Variants in MIPOL1 observed in about 807,000 individuals in gnomAD.
The protein encoded by MIPOL1 is mirror-image polydactyly 1.
A neutral mutation model predicts 60.9 loss-of-function variants in MIPOL1; 57 were observed. The observed-to-expected ratio is 0.94, with a 90% CI of 0.76 to 1.17. The LOEUF (loss-of-function observed/expected upper bound fraction) is 1.17. Among genes scored for constraint, MIPOL1 ranks in the 50% most tolerant of loss-of-function variants. The probability of loss-of-function intolerance (pLI) is 0.00; values close to 1 mark genes in which losing one functional copy is unlikely to be tolerated. For missense variants in MIPOL1, 551 were observed against 511.6 expected, an observed-to-expected ratio of 1.08 and a Z score of -0.74; for synonymous variants, 179 against 168.8, an observed-to-expected ratio of 1.06 and a Z score of -0.47.
chr14:37,278,501 C>A (rs2083845517), intron 6 of MIPOL1: 1 of 151,604 alleles, frequency 6.6e-6, no homozygotes, highest in Admixed American at 6.6e-5. Flanking sequence ...AAAGTCTGGT[C>A]TTTTACAAAA....
intron 4 of MIPOL1, 34 bp from the exon 5 acceptor site, chr14:37,268,624 T>C: frequency 6.6e-7 from 1 of 1,521,964 alleles, no homozygotes; most frequent in South Asian, 1.3e-5. Flanking sequence ...TAGTTTATCT[T>C]ACTCTGAAAT....
chr14:37,530,821 A>AT (rs753614964), intron 12 of MIPOL1, among the ~76,000 whole-genome samples: 7,237 of 145,196 alleles, frequency 0.05, 207 homozygotes, highest in Non-Finnish European at 0.073. Context: ...TGTAGAAAGG[A>AT]TTTTTTTTTT....
chr14:37,220,281 C>T (rs896307554), intron 1 of MIPOL1, among the ~76,000 whole-genome samples: 1 of 151,838 alleles, frequency 6.6e-6, no homozygotes. Context: ...TGTTTTGCAT[C>T]GTCTCAAACA....
At chr14:37,274,795 C>T (rs575298540) in intron 6 of MIPOL1, among the ~76,000 whole-genome samples, 1 of 151,272 alleles carries the variant, frequency 6.6e-6, no homozygotes, top group African/African-American at 2.4e-5. Flanking sequence ...ATAGAAGGCA[C>T]TCAATAAATA....
intron 10 of MIPOL1, among the ~76,000 whole-genome samples, chr14:37,402,192 A>G (rs1017646866): frequency 3.3e-5 from 5 of 152,154 alleles, no homozygotes; most frequent in African/African-American, 1.2e-4. Flanking sequence ...ATGTACTTTC[A>G]GAACAGTTAT....
At chr14:37,208,211 A>C (rs185099176) in intron 1 of MIPOL1, among the ~76,000 whole-genome samples, 1 of 152,172 alleles carries the variant, frequency 6.6e-6, no homozygotes, top group Non-Finnish European at 1.5e-5. Context: ...TATAAATAGT[A>C]CTTGGAGAAT....
At chr14:37,265,335 CA>C (rs1463452676) in intron 3 of MIPOL1, 2 of 152,102 alleles carry the variant, frequency 1.3e-5, no homozygotes, top group Admixed American at 6.6e-5. Flanking sequence ...ATAGCCCAAG[CA>C]TAGTCCTTAT....
chr14:37,350,017 G>A (rs1164614987), intron 9 of MIPOL1, among the ~76,000 whole-genome samples: 1 of 151,954 alleles, frequency 6.6e-6, no homozygotes, highest in Non-Finnish European at 1.5e-5. Flanking sequence ...ATTTACATTT[G>A]GTAAACATTG....
At chr14:37,215,061 C>G (rs933369699) in intron 1 of MIPOL1, among the ~76,000 whole-genome samples, 1 of 152,156 alleles carries the variant, frequency 6.6e-6, no homozygotes, top group African/African-American at 2.4e-5. Flanking sequence ...GCTCTGCCTT[C>G]TAGATAGCAG....
At position 37,300,542 on chromosome 14, in the gene MIPOL1, A is replaced by G. The variant is rs1293773455; in HGVS notation, c.624-7514A>G. On this transcript the variant is annotated intron_variant, in intron 7 of 12. Transcript: ENST00000684589. ...TTGTTTTGAGACGGGGTCTTGCTCTATTGTCCTGGCTGGAGTGCAGTGGTA... is the reference window on the plus strand; with the variant it reads ...TTGTTTTGAGACGGGGTCTTGCTCTGTTGTCCTGGCTGGAGTGCAGTGGTA... Among the ~76,000 whole-genome samples the G allele has an allele frequency of 2.6e-4, 4 of 15,584 alleles. 1 individual carries two copies. The highest frequency in any genetic ancestry group is 3.2e-4 in the African/African-American group (4 of 12,352). 10.2% of individuals were successfully genotyped at this position (15,584 alleles called of 152,430 possible).
At chr14:37,285,195 T>TA in intron 6 of MIPOL1, 123 bp from the exon 7 acceptor site, 2 of 937,422 alleles carry the variant, frequency 2.1e-6, no homozygotes, top group Non-Finnish European at 3.2e-6. Context: ...GATTGATTGA[T>TA]ATTAATTCAG....
chr14:37,368,644 A>G (rs1005140628), intron 9 of MIPOL1, among the ~76,000 whole-genome samples: 1 of 151,974 alleles, frequency 6.6e-6, no homozygotes, highest in Non-Finnish European at 1.5e-5. Context: ...GTTTTCCTCA[A>G]TGGTGTGTTT....
At chr14:37,416,035 A>T (rs2093763307) in intron 10 of MIPOL1, among the ~76,000 whole-genome samples, 1 of 152,136 alleles carries the variant, frequency 6.6e-6, no homozygotes, top group Admixed American at 6.5e-5. Flanking sequence ...AAACAATAGA[A>T]ATAGCATTTA....
At chr14:37,206,463 T>C (rs1434285778) in intron 1 of MIPOL1, among the ~76,000 whole-genome samples, 1 of 152,198 alleles carries the variant, frequency 6.6e-6, no homozygotes, top group Non-Finnish European at 1.5e-5. Context: ...GGGGCCCTCA[T>C]GGAGAACTTC....
chr14:37,438,458 G>T (rs562967356), intron 11 of MIPOL1, among the ~76,000 whole-genome samples: 1 of 152,040 alleles, frequency 6.6e-6, no homozygotes, highest in Admixed American at 6.6e-5. Context: ...CATCCCCTAG[G>T]TTACATTAAG....
At chr14:37,508,453 C>T (rs1348249305) in intron 12 of MIPOL1, among the ~76,000 whole-genome samples, 1 of 152,092 alleles carries the variant, frequency 6.6e-6, no homozygotes, top group Non-Finnish European at 1.5e-5. Context: ...TTCAATGGCT[C>T]ATTTTAAACG....
intron 10 of MIPOL1, among the ~76,000 whole-genome samples, chr14:37,373,453 G>T (rs1281919477): frequency 1.3e-5 from 2 of 151,266 alleles, no homozygotes; most frequent in African/African-American, 4.9e-5. Context: ...GAACATGAGG[G>T]TTTGTTACAC....
At chr14:37,246,421 A>G (rs1973213199) in intron 1 of MIPOL1, among the ~76,000 whole-genome samples, 1 of 152,124 alleles carries the variant, frequency 6.6e-6, no homozygotes, top group South Asian at 2.1e-4. Context: ...TTTTTGTTAT[A>G]AGTCATGGAA....
chr14:37,401,067 A>G (rs1463644770), intron 10 of MIPOL1: 1 of 152,156 alleles, frequency 6.6e-6, no homozygotes, highest in African/African-American at 2.4e-5. Flanking sequence ...TAAAAAATAT[A>G]ATAGGTGATT....
Sources: allele counts gnomAD v4.1 joint callset (sites outside exome capture counted in the v4.1 genomes callset), GRCh38; gene constraint gnomAD v4.1.1; transcripts MANE v1.5; gene names NCBI Gene and HGNC (gene_info 2026-07-23, HGNC 2026-07-21).